CDH2: variants seen among roughly 807,000 people sequenced by gnomAD.
CDH2 encodes the protein cadherin-2.
Under a neutral mutation model 92.0 loss-of-function variants are expected in CDH2, and 17 were observed. The observed-to-expected ratio is 0.18, with a 90% CI of 0.13 to 0.28. The LOEUF (loss-of-function observed/expected upper bound fraction) is 0.28. Ranked by LOEUF, CDH2 falls within the 10% of genes least tolerant of loss-of-function variation. The pLI, the probability that CDH2 is intolerant of heterozygous loss-of-function variation, is 1.00. For missense variants in CDH2, 862 were observed against 1,133.1 expected (o/e 0.76, Z 3.44); for synonymous variants, 419 against 415.9 (o/e 1.01, Z -0.09).
At chr18:28,176,915 GCCC>G in intron 1 of CDH2, 45 bp downstream of exon 1, 10 of 1,098,188 alleles carry the variant, frequency 9.1e-6, no homozygotes, top group Non-Finnish European at 1.1e-5. Flanking sequence ...ACCCGGCGCC[GCCC>G]GCCCCACCCC....
At chr18:28,119,849 AAAG>A (rs1171565896) in intron 2 of CDH2, among the ~76,000 whole-genome samples, 2 of 152,046 alleles carry the variant, frequency 1.3e-5, no homozygotes, top group Non-Finnish European at 2.9e-5. Context: ...ATGCGTTTAA[AAAG>A]AAGAGGGCAT....
chr18:28,035,537 T>TA (rs1280072026), intron 2 of CDH2, among the ~76,000 whole-genome samples: 1 of 152,100 alleles, frequency 6.6e-6, no homozygotes, highest in African/African-American at 2.4e-5. Flanking sequence ...GGATGACTCA[T>TA]ATTCATCTTG....
intron 1 of CDH2, among the ~76,000 whole-genome samples, chr18:28,171,482 G>A (rs1172766581): frequency 6.6e-6 from 1 of 151,886 alleles, no homozygotes; most frequent in East Asian, 1.9e-4. Flanking sequence ...CTTCCTTTAA[G>A]CCTAAACCCC....
At chr18:28,163,129 C>T (rs1451516438) in intron 1 of CDH2, among the ~76,000 whole-genome samples, 1 of 152,134 alleles carries the variant, frequency 6.6e-6, no homozygotes, top group East Asian at 1.9e-4. Context: ...GGTCAAAATA[C>T]ATAGAAAAAC....
chr18:28,147,667 T>C lies in CDH2; in HGVS notation c.172+6A>G, dbSNP rs188251941. On this transcript the variant is annotated splice_donor_region_variant and intron_variant, in intron 2 of 15. Transcript: ENST00000269141. Reference sequence around the variant, plus strand: ...GCATGTACAAATATATCTTTTGAGATAGTACCATTGAGAAGAGGCTGTCCT... The same window carrying C: ...GCATGTACAAATATATCTTTTGAGACAGTACCATTGAGAAGAGGCTGTCCT... 15 of 1,528,472 alleles carry C rather than the reference T, an allele frequency of 9.8e-6. 1 individual carries two copies. The highest frequency in any genetic ancestry group is 3.4e-5 in the South Asian group (3 of 87,328). 94.7% of individuals were successfully genotyped at this position (1,528,472 alleles called of 1,614,324 possible).
At chr18:28,071,265 G>A (rs1431354624) in intron 2 of CDH2, among the ~76,000 whole-genome samples, 1 of 152,036 alleles carries the variant, frequency 6.6e-6, no homozygotes, top group Non-Finnish European at 1.5e-5. Flanking sequence ...TTTTGAGTAA[G>A]AGGAAGAGTT....
rs1030079346 is a variant in CDH2 at position 27,994,540 on chromosome 18, T to G, written c.1021-903A>C. ...GGAAAACCTAACTTTAAACAATATCTAAAATCATTTGGAATCTCTGTGGAA... is the reference window on the plus strand; with the variant it reads ...GGAAAACCTAACTTTAAACAATATCGAAAATCATTTGGAATCTCTGTGGAA... On this transcript the variant is annotated intron_variant, in intron 7 of 15. Transcript: ENST00000269141. Among the ~76,000 whole-genome samples, 10 of 152,312 alleles carry G rather than the reference T, an allele frequency of 6.6e-5. No individual in the cohort carries two copies. The South Asian group carries it at 1.4e-3, about 22-fold the overall frequency.
chr18:28,096,307 T>C (rs2015133761), intron 2 of CDH2, among the ~76,000 whole-genome samples: 1 of 151,914 alleles, frequency 6.6e-6, no homozygotes, highest in Non-Finnish European at 1.5e-5. Context: ...ATTCCAATAG[T>C]AAATAATATT....
intron 2 of CDH2, among the ~76,000 whole-genome samples, chr18:28,092,786 T>C (rs982314631): frequency 6.6e-6 from 1 of 152,166 alleles, no homozygotes; most frequent in Non-Finnish European, 1.5e-5. Context: ...AACAACAGAA[T>C]TGTAGAAGTC....
rs1381315656 is a variant in CDH2 at position 27,982,954 on chromosome 18, TCTC to T, written c.2336_2338del (p.Gly779del). 3.1e-6 allele frequency: 5 copies of T among 1,597,886 alleles called. No individual in the cohort carries two copies. The highest frequency in any genetic ancestry group is 4.3e-6 in the Non-Finnish European group (5 of 1,170,680). On this transcript the variant is annotated inframe_deletion, in exon 14 of 16. Coordinates refer to ENST00000269141, the MANE Select transcript of CDH2 (RefSeq NM_001792.5). ...TAAAGCACTGCTCACCTGGTCTTCTTCTCCTCCACCTTCTTCATCATATTTTAA... is the reference window on the plus strand; with the variant it reads ...TAAAGCACTGCTCACCTGGTCTTCTTCTCCACCTTCTTCATCATATTTTAA...
intron 15 of CDH2, among the ~76,000 whole-genome samples, chr18:27,960,019 AACAC>A (rs5823570): frequency 0.16 from 24,265 of 149,502 alleles, 2,243 homozygotes; most frequent in South Asian, 0.25. Context: ...TGTCTCTTAA[AACAC>A]ACACACACAC....
At chr18:28,174,720 T>C (rs1415327098) in intron 1 of CDH2, among the ~76,000 whole-genome samples, 7 of 152,314 alleles carry the variant, frequency 4.6e-5, no homozygotes, top group Admixed American at 4.6e-4. Context: ...ATGAGAGTGC[T>C]CCACTTGTAA....
chr18:28,129,069 A>C (rs993711991), intron 2 of CDH2, among the ~76,000 whole-genome samples: 6 of 152,156 alleles, frequency 3.9e-5, no homozygotes, highest in Non-Finnish European at 7.3e-5. Context: ...GTCCACTCAA[A>C]AGCATTAGGC....
At chr18:28,176,214 C>A (rs927979219) in intron 1 of CDH2, among the ~76,000 whole-genome samples, 1 of 152,162 alleles carries the variant, frequency 6.6e-6, no homozygotes, top group African/African-American at 2.4e-5. Context: ...GCATATAGGG[C>A]ACAGGCAGCC....
At chr18:28,114,104 C>T (rs985166764) in intron 2 of CDH2, among the ~76,000 whole-genome samples, 8 of 151,922 alleles carry the variant, frequency 5.3e-5, no homozygotes, top group Admixed American at 3.3e-4. Flanking sequence ...TACAAAATTA[C>T]GACTATATAG....
intron 2 of CDH2, among the ~76,000 whole-genome samples, chr18:28,084,000 G>A (rs2014880070): frequency 6.6e-6 from 1 of 152,122 alleles, no homozygotes; most frequent in African/African-American, 2.4e-5. Context: ...GTCTAACTTG[G>A]TTCACATATA....
At chr18:28,036,695 A>C in intron 2 of CDH2, 1 of 637,134 alleles carries the variant, frequency 1.6e-6, no homozygotes, top group Non-Finnish European at 2.8e-6. Flanking sequence ...GACCGTCAGC[A>C]AAACAGAGAT....
chr18:27,959,326 C>G (rs1034640932), intron 15 of CDH2, among the ~76,000 whole-genome samples: 17 of 152,148 alleles, frequency 1.1e-4, no homozygotes, highest in Non-Finnish European at 2.2e-4. Flanking sequence ...TTTAAATAAA[C>G]AAACTAGAAA....
At chr18:28,139,141 T>A (rs1421386883) in intron 2 of CDH2, among the ~76,000 whole-genome samples, 1 of 151,962 alleles carries the variant, frequency 6.6e-6, no homozygotes, top group Non-Finnish European at 1.5e-5. Flanking sequence ...CTCAACAAAA[T>A]GTGTTAGAGT....
Sources: allele counts gnomAD v4.1 joint callset (sites outside exome capture counted in the v4.1 genomes callset), GRCh38; gene constraint gnomAD v4.1.1; transcripts MANE v1.5; gene names NCBI Gene and HGNC (gene_info 2026-07-23, HGNC 2026-07-21).